Variants in SRL observed in about 807,000 individuals in gnomAD.
SRL encodes sarcalumenin.
SRL carries 23 observed loss-of-function variants against 39.5 expected under a neutral mutation model. The observed-to-expected ratio is 0.58, with a 90% confidence interval of 0.42 to 0.82. The LOEUF is 0.82. Ranked by LOEUF, SRL falls within the 40% of genes least tolerant of loss-of-function variation. SRL has a pLI of 0.00. For synonymous variants in SRL, 272 were observed against 237.4 expected (o/e 1.15, Z -1.34); for missense variants, 592 against 607.8 (o/e 0.97, Z 0.27).
Position 4,192,311 on chromosome 16 carries a change from A to C in SRL, c.1264T>G (p.Tyr422Asp). Residue 422 changes from tyrosine to aspartate, a missense_variant, in exon 6 of 6, where the codon TAC becomes GAC. Coordinates refer to ENST00000399609, the MANE Select transcript of SRL (RefSeq NM_001098814.2). The surrounding 1 kb of genome is among the most constrained non-coding windows in gnomAD (Gnocchi z 4.0). ...TTCTCCAGAAAGCAACCTCCCATGT[A>C]GGAGCACTGCTGGGAGAGCAGTTTG... is the stretch of plus-strand genomic sequence containing the variant. ...SFKLLSQQCSYMGGCFLEKIE... is the reference protein window; with the variant it reads ...SFKLLSQQCSDMGGCFLEKIE... 6.2e-7 allele frequency: 1 copy of C among 1,614,176 alleles called. No homozygotes were observed.
intron 1 of SRL, among the ~76,000 whole-genome samples, chr16:4,211,845 TGATGACGAC>T (rs1350026240): frequency 2.0e-5 from 3 of 152,174 alleles, no homozygotes; most frequent in East Asian, 1.9e-4. Flanking sequence ...ATGATGATGG[TGATGACGAC>T]GATGACGACG....
chr16:4,205,944 T>TG (rs1248755598), intron 1 of SRL, among the ~76,000 whole-genome samples: 1 of 100,786 alleles, frequency 9.9e-6, no homozygotes, highest in African/African-American at 5.2e-5. Flanking sequence ...AGACCTTGTC[T>TG]CAAAAAAAAA....
chr16:4,232,598 C>A (rs1052352292), intron 1 of SRL, among the ~76,000 whole-genome samples: 1 of 152,062 alleles, frequency 6.6e-6, no homozygotes, highest in Non-Finnish European at 1.5e-5. Flanking sequence ...GCAGCCATGA[C>A]CTCCCGGGCT....
chr16:4,235,780 C>G (rs2052707948), intron 1 of SRL, among the ~76,000 whole-genome samples: 1 of 152,168 alleles, frequency 6.6e-6, no homozygotes. Context: ...TCCACCGCGC[C>G]AATTTCCACT....
chr16:4,221,748 T>G (rs1412208625), intron 1 of SRL, among the ~76,000 whole-genome samples: 1 of 152,144 alleles, frequency 6.6e-6, no homozygotes, highest in Non-Finnish European at 1.5e-5. Flanking sequence ...GCCAGACGTC[T>G]CAAATCAAGG....
intron 5 of SRL, 138 bp downstream of exon 5, chr16:4,195,415 C>G: frequency 1.2e-6 from 1 of 846,124 alleles, no homozygotes; most frequent in Non-Finnish European, 1.9e-6. Flanking sequence ...TCAGGCTGGT[C>G]TTGAACCTCC....
intron 1 of SRL, among the ~76,000 whole-genome samples, chr16:4,225,789 C>T (rs1026783606): frequency 2.6e-5 from 4 of 152,076 alleles, no homozygotes; most frequent in African/African-American, 9.7e-5. Flanking sequence ...TCCCACACAG[C>T]AGCAGAGCAA....
chr16:4,202,624 A>G (rs2052251734), intron 3 of SRL, among the ~76,000 whole-genome samples: 1 of 151,778 alleles, frequency 6.6e-6, no homozygotes, highest in Non-Finnish European at 1.5e-5. Flanking sequence ...CAAGAATATA[A>G]TTTTTATTTT....
At chr16:4,226,895 G>A (rs1373752978) in intron 1 of SRL, among the ~76,000 whole-genome samples, 2 of 151,948 alleles carry the variant, frequency 1.3e-5, no homozygotes, top group African/African-American at 2.4e-5. Context: ...TGAATGGAAG[G>A]ATGGATGAAT....
intron 1 of SRL, among the ~76,000 whole-genome samples, chr16:4,219,647 G>A (rs893089434): frequency 6.6e-5 from 10 of 152,120 alleles, no homozygotes; most frequent in African/African-American, 2.4e-4. Flanking sequence ...TTTTAGTAGA[G>A]ATGGGGTTTC....
At chr16:4,236,695 G>A (rs976370926) in intron 1 of SRL, among the ~76,000 whole-genome samples, 13 of 152,014 alleles carry the variant, frequency 8.6e-5, no homozygotes, top group African/African-American at 2.4e-4. Flanking sequence ...CCAGACTGGA[G>A]TGCAGTGGCA....
At chr16:4,209,505 G>A (rs1278267123) in intron 1 of SRL, among the ~76,000 whole-genome samples, 1 of 152,044 alleles carries the variant, frequency 6.6e-6, no homozygotes, top group Admixed American at 6.6e-5. Flanking sequence ...CCCTCTCTCA[G>A]GCCACCACTT....
At chr16:4,199,268 C>T (rs189051294) in intron 3 of SRL, among the ~76,000 whole-genome samples, 49 of 152,176 alleles carry the variant, frequency 3.2e-4, no homozygotes, top group Middle Eastern at 3.4e-3. Flanking sequence ...AGCCCTGACA[C>T]CCCCTGGAAT....
intron 5 of SRL, 57 bp downstream of exon 5, chr16:4,195,496 C>G: frequency 2.6e-6 from 4 of 1,557,836 alleles, no homozygotes; most frequent in Non-Finnish European, 3.5e-6. Context: ...TCATGCCTGG[C>G]CAAAAATAAT....
At position 4,230,934 on chromosome 16, in the gene SRL, A is replaced by G. The variant is rs555589556; in HGVS notation, c.61+11073T>C. ...CACTGGATGCTGGAAGAGGCAAGGA[A>G]GGATCCCCCTTAGACCTTTCAAAGG... On this transcript the variant is annotated intron_variant, in intron 1 of 5. Transcript: ENST00000399609. Among the ~76,000 whole-genome samples, 3 of 152,284 alleles carry G rather than the reference A, an allele frequency of 2.0e-5. No homozygotes were observed. In the South Asian group the frequency reaches 6.2e-4, roughly 32 times the overall value.
chr16:4,229,710 A>G (rs760505786), intron 1 of SRL, among the ~76,000 whole-genome samples: 2 of 152,096 alleles, frequency 1.3e-5, no homozygotes, highest in Non-Finnish European at 2.9e-5. Flanking sequence ...TAAGATCAAC[A>G]AAAGCCCAAA....
At chr16:4,197,704 G>T in intron 4 of SRL, 95 bp downstream of exon 4, 1 of 945,822 alleles carries the variant, frequency 1.1e-6, no homozygotes, top group Non-Finnish European at 1.7e-6. Flanking sequence ...GGGATTACAG[G>T]CATGAGTCAT....
In SRL at chr16:4,203,249, C is replaced by T. The variant is rs199504265; in HGVS notation, c.176G>A (p.Arg59Gln). The change falls in exon 3 of 6, where the codon CGG becomes CAG. Residue 59 changes from arginine to glutamine, a missense_variant. Coordinates refer to ENST00000399609, the MANE Select transcript of SRL (RefSeq NM_001098814.2). ...PSDDYSAVLQ[R>Q]LRKIYHSSIK... The stretch of plus-strand genomic sequence containing the variant: ...GGATGAGTGGTAGATCTTCCGAAGC[C>T]GCTGCAGCACCGCTGGAGACAGAGA... 95 of 1,613,974 alleles carry T rather than the reference C, an allele frequency of 5.9e-5. No individual in the cohort carries two copies. Among genetic ancestry groups the T allele is most frequent in the Admixed American group, 8.3e-5 (5 of 59,996 alleles).
chr16:4,197,118 G>C (rs1485909558), intron 4 of SRL, among the ~76,000 whole-genome samples: 1 of 134,000 alleles, frequency 7.5e-6, no homozygotes, highest in Non-Finnish European at 1.5e-5. Context: ...GCCCAGGCTG[G>C]AGTGCAGTGG....
Sources: gnomAD v4.1 joint callset for allele counts (sites outside exome capture counted in the v4.1 genomes callset) on GRCh38, gnomAD v4.1.1 for gene constraint, Gnocchi (gnomAD v3.1) non-coding constraint, MANE v1.5 for transcripts, NCBI Gene and HGNC (gene_info 2026-07-23, HGNC 2026-07-21) for gene names.